Variants in COG6 observed in about 807,000 individuals in gnomAD.
The protein encoded by COG6 is conserved oligomeric Golgi complex subunit 6.
In COG6, 74 loss-of-function variants were observed where a neutral mutation model predicts 88.8. The ratio of observed to expected loss-of-function variants is 0.83; its 90% confidence interval spans 0.69 to 1.01. The LOEUF (loss-of-function observed/expected upper bound fraction) is 1.01. COG6 is among the 50% of genes least tolerant of loss of function. COG6 has a pLI of 0.00. For missense variants in COG6, 800 were observed against 797.9 expected (o/e 1.00, Z -0.03); for synonymous variants, 286 against 278.7 (o/e 1.03, Z -0.26).
chr13:39,788,352 C>T (rs755120130), exon 19 of COG6: 51 of 1,551,676 alleles, frequency 3.3e-5, no homozygotes, highest in East Asian at 2.0e-4. Context: ...CCCAACGGCC[C>T]ATGATCATCT....
At chr13:39,740,105 G>A (rs886449727) in intron 18 of COG6, among the ~76,000 whole-genome samples, 1 of 152,074 alleles carries the variant, frequency 6.6e-6, no homozygotes, top group African/African-American at 2.4e-5. Context: ...TAAAAGATCT[G>A]ACTAAATAGG....
chr13:39,726,289 G>A lies in COG6; in HGVS notation c.1747-1180G>A, dbSNP rs569647164. On this transcript the variant is annotated intron_variant, in intron 17 of 18. Coordinates refer to ENST00000455146, the MANE Select transcript of COG6 (RefSeq NM_020751.3). ...TTTATCATTTAAATAGTTATTAACC[G>A]AGTTTCTGCTATTTTCTAGGCATCA... Among the ~76,000 whole-genome samples the A allele has an allele frequency of 1.8e-3, 267 of 151,874 alleles. 1 individual carries two copies. The highest frequency in any genetic ancestry group is 0.01 in the Middle Eastern group (3 of 294).
chr13:39,784,451 C>T (rs1881716187), intron 18 of COG6, among the ~76,000 whole-genome samples: 1 of 152,162 alleles, frequency 6.6e-6, no homozygotes, highest in African/African-American at 2.4e-5. Context: ...TGTTCTGCAC[C>T]AGGGGCAGTA....
intron 18 of COG6, among the ~76,000 whole-genome samples, chr13:39,765,581 C>T (rs773410925): frequency 5.9e-4 from 90 of 152,116 alleles, no homozygotes; most frequent in Non-Finnish European, 1.1e-3. Context: ...AGATTGATTT[C>T]CAGCTTTTGG....
intron 18 of COG6, among the ~76,000 whole-genome samples, chr13:39,767,042 G>C (rs1269245546): frequency 6.6e-6 from 1 of 152,134 alleles, no homozygotes; most frequent in East Asian, 1.9e-4. Flanking sequence ...TATGATCAGT[G>C]TTTTGTGTAC....
intron 18 of COG6, among the ~76,000 whole-genome samples, chr13:39,728,933 G>T (rs1221030414): frequency 6.6e-6 from 1 of 152,080 alleles, no homozygotes; most frequent in Non-Finnish European, 1.5e-5. Context: ...AAAGTGCTGG[G>T]ATTACAGGTG....
At position 39,744,514 on chromosome 13, in the gene COG6, A is replaced by G. The variant is rs569959656; in HGVS notation, c.1827-6432A>G. On this transcript the variant is annotated intron_variant, in intron 18 of 18. Coordinates refer to ENST00000455146, the MANE Select transcript of COG6 (RefSeq NM_020751.3). ...GAACTCCCATTCACAATTGCTACAA[A>G]GAGAATAAAATAACCTAGGAATCCA... 1.5e-3 allele frequency among the ~76,000 whole-genome samples: 232 copies of G among 152,328 alleles called. 2 individuals are homozygous for G. Among genetic ancestry groups the G allele is most frequent in the African/African-American group, 5.4e-3 (223 of 41,592 alleles).
At chr13:39,780,636 A>G (rs1364281076) in intron 18 of COG6, among the ~76,000 whole-genome samples, 2 of 152,136 alleles carry the variant, frequency 1.3e-5, no homozygotes, top group Admixed American at 1.3e-4. Context: ...AAACACTCCT[A>G]TTATTTAGGG....
chr13:39,715,883 G>T (rs1443913580), intron 13 of COG6, among the ~76,000 whole-genome samples: 1 of 151,846 alleles, frequency 6.6e-6, no homozygotes, highest in Non-Finnish European at 1.5e-5. Context: ...GCACAAAGAT[G>T]AAAATTTTTA....
rs746873219 is a variant in COG6, at chr13:39,731,831, TA to T, written c.1826+4292del. ...AAATAAAGCAAGTTTGGGGTAAAAT[TA>T]AAAAAAAATACTACCAGGAAGAGAA... On this transcript the variant is annotated intron_variant, in intron 18 of 18. Transcript: ENST00000455146. Among the ~76,000 whole-genome samples the T allele has an allele frequency of 4.0e-4, 61 of 150,762 alleles. 2 individuals carry two copies. Among genetic ancestry groups the T allele is most frequent in the African/African-American group, 1.2e-4 (5 of 41,038 alleles).
chr13:39,682,038 G>A, intron 7 of COG6, 133 bp from the exon 8 acceptor site: 1 of 676,498 alleles, frequency 1.5e-6, no homozygotes, highest in Non-Finnish European at 2.7e-6. Flanking sequence ...TTTGATTGGT[G>A]TATTCTCTAG....
At chr13:39,656,037 CG>C in intron 1 of COG6, 158 bp downstream of exon 1, 3 of 977,082 alleles carry the variant, frequency 3.1e-6, no homozygotes, top group Non-Finnish European at 4.8e-6. Flanking sequence ...CTGCGGGCGC[CG>C]GGGGCGGTGA....
At chr13:39,709,001 GA>G (rs1162932982) in intron 13 of COG6, among the ~76,000 whole-genome samples, 1 of 152,152 alleles carries the variant, frequency 6.6e-6, no homozygotes, top group African/African-American at 2.4e-5. Flanking sequence ...CTCCGCATTA[GA>G]AAGGCAATAT....
chr13:39,756,552 A>G (rs1461403910), downstream of COG6, among the ~76,000 whole-genome samples: 1 of 152,198 alleles, frequency 6.6e-6, no homozygotes, highest in Non-Finnish European at 1.5e-5. Context: ...GATGAACTAA[A>G]AATATGTACA....
intron 18 of COG6, among the ~76,000 whole-genome samples, chr13:39,774,735 C>T (rs1334836799): frequency 6.6e-6 from 1 of 151,914 alleles, no homozygotes; most frequent in South Asian, 2.1e-4. Flanking sequence ...CCACCATGCC[C>T]AGGTAATTTT....
chr13:39,662,617 T>A (rs1342877930), intron 3 of COG6, among the ~76,000 whole-genome samples: 1 of 152,218 alleles, frequency 6.6e-6, no homozygotes, highest in Non-Finnish European at 1.5e-5. Flanking sequence ...ACAACAACTA[T>A]AATCAAGATA....
Position 39,788,474 on chromosome 13 carries a change from T to C in COG6, c.*118T>C, listed in dbSNP as rs1383255132. ...ATAGAAATGTGGCCAGATGGCTTTG[T>C]CATCTTCCCCTGTCTACTCTGTGAC... On this transcript the variant is annotated 3_prime_UTR_variant, in exon 19 of 19. Transcript: ENST00000416691. The C allele has an allele frequency of 1.1e-5, 10 of 920,214 alleles. No homozygotes were observed. The East Asian group carries it at 2.6e-4, about 24-fold the overall frequency. 57.0% of individuals were successfully genotyped at this position (920,214 alleles called of 1,614,324 possible). A position where few individuals can be genotyped will look rare whatever the true frequency, so the allele number is the denominator to read the frequency against.
chr13:39,756,011 C>T (rs1880823364), downstream of COG6, among the ~76,000 whole-genome samples: 3 of 152,104 alleles, frequency 2.0e-5, no homozygotes, highest in Non-Finnish European at 2.9e-5. Context: ...ACAGATAGCC[C>T]AGATATTGAA....
At chr13:39,759,705 AAATG>A (rs1880953418) in intron 18 of COG6, among the ~76,000 whole-genome samples, 1 of 152,178 alleles carries the variant, frequency 6.6e-6, no homozygotes, top group African/African-American at 2.4e-5. Flanking sequence ...ACTAGCTGAG[AAATG>A]AATGTAATAG....
Sources: gnomAD v4.1 joint callset for allele counts (sites outside exome capture counted in the v4.1 genomes callset) on GRCh38, gnomAD v4.1.1 for gene constraint, MANE v1.5 for transcripts, NCBI Gene and HGNC (gene_info 2026-07-23, HGNC 2026-07-21) for gene names.